Variants in CYTH3 observed in about 807,000 individuals in gnomAD.
The protein encoded by CYTH3 is cytohesin-3.
A neutral mutation model predicts 55.1 loss-of-function variants in CYTH3; 23 were observed. The ratio of observed to expected loss-of-function variants is 0.42; its 90% CI spans 0.30 to 0.59. The LOEUF (loss-of-function observed/expected upper bound fraction) is 0.59, where lower values mean the gene tolerates loss of function less well. CYTH3 is among the 20% of genes least tolerant of loss of function. The pLI, the probability that CYTH3 is intolerant of heterozygous loss-of-function variation, is 0.20. For missense variants in CYTH3, 413 were observed against 524.8 expected, an observed-to-expected ratio of 0.79 and a Z score of 2.08; for synonymous variants, 249 against 194.9, an observed-to-expected ratio of 1.28 and a Z score of -2.31.
At chr7:6,196,456 CTTTTTTT>C (rs5882084) in intron 1 of CYTH3, among the ~76,000 whole-genome samples, 10 of 113,986 alleles carry the variant, frequency 8.8e-5, no homozygotes, top group Non-Finnish European at 1.7e-4. Flanking sequence ...TTCTTTTTTT[CTTTTTTT>C]TTTTTTTTTT....
intron 1 of CYTH3, among the ~76,000 whole-genome samples, chr7:6,198,625 A>G (rs1435086489): frequency 6.6e-6 from 1 of 152,040 alleles, no homozygotes; most frequent in Non-Finnish European, 1.5e-5. Context: ...TTAGGTAAGA[A>G]GAAACAAAGG....
chr7:6,248,455 T>C (rs759890973), intron 1 of CYTH3, among the ~76,000 whole-genome samples: 21 of 152,272 alleles, frequency 1.4e-4, no homozygotes, highest in Non-Finnish European at 2.2e-4. Context: ...TGCTTTTGTT[T>C]TCTAGTTTCT....
chr7:6,245,996 C>T (rs762063325), intron 1 of CYTH3, among the ~76,000 whole-genome samples: 12 of 151,860 alleles, frequency 7.9e-5, no homozygotes, highest in Non-Finnish European at 1.3e-4. Flanking sequence ...TCCCATTAAC[C>T]CTCTCCCCAA....
intron 1 of CYTH3, among the ~76,000 whole-genome samples, chr7:6,229,100 C>T (rs941043407): frequency 7.9e-5 from 12 of 152,106 alleles, no homozygotes; most frequent in African/African-American, 2.9e-4. Context: ...AACAGTGGAA[C>T]AGAAGTAAAA....
intron 1 of CYTH3, among the ~76,000 whole-genome samples, chr7:6,211,607 C>T (rs1461309882): frequency 1.3e-5 from 2 of 152,190 alleles, no homozygotes; most frequent in East Asian, 1.9e-4. Flanking sequence ...GCTGGGATTA[C>T]AGGAGTAAGC....
chr7:6,185,660 A>C (rs186214077), intron 4 of CYTH3, among the ~76,000 whole-genome samples: 1 of 150,718 alleles, frequency 6.6e-6, no homozygotes, highest in African/African-American at 2.5e-5. Flanking sequence ...AGATCGCACC[A>C]CTGCACTCCA....
Position 6,170,271 on chromosome 7 carries a change from C to G in CYTH3, c.823+264G>C, listed in dbSNP as rs758104078. The stretch of plus-strand genomic sequence containing the variant: ...GTGCAGGAAGCTGCCCTGGCTGGAT[C>G]TGGATGCTAACTCAGCAGTTTTCTG... On this transcript the variant is annotated intron_variant, in intron 9 of 12. Transcript: ENST00000350796. This position sits in a 1 kb window ranked among gnomAD's most constrained non-coding sequence, Gnocchi z 7.8. 6.2e-6 allele frequency: 3 copies of G among 486,528 alleles called. No homozygotes were observed. Among genetic ancestry groups the G allele is most frequent in the Non-Finnish European group, 1.1e-5 (3 of 275,100 alleles). The allele number at this position is 486,528 out of a possible 1,614,324, so 30.1% of individuals were successfully genotyped here. A position where few individuals can be genotyped will look rare whatever the true frequency, so the allele number is the denominator to read the frequency against.
intron 1 of CYTH3, chr7:6,212,568 T>G (rs778948698): frequency 6.6e-5 from 10 of 152,172 alleles, no homozygotes; most frequent in Non-Finnish European, 1.5e-4. Flanking sequence ...AAAAAAAAAG[T>G]TCTCAAGGTT....
intron 1 of CYTH3, among the ~76,000 whole-genome samples, chr7:6,196,134 G>A (rs1243144684): frequency 1.3e-5 from 2 of 152,146 alleles, no homozygotes; most frequent in Non-Finnish European, 2.9e-5. Context: ...TCTTCCTTCT[G>A]AGAAGCCCAT....
chr7:6,246,867 G>T (rs1176806925), intron 1 of CYTH3, among the ~76,000 whole-genome samples: 1 of 152,104 alleles, frequency 6.6e-6, no homozygotes, highest in Non-Finnish European at 1.5e-5. Context: ...ATGTTTACAT[G>T]ATTTCAATTC....
intron 1 of CYTH3, among the ~76,000 whole-genome samples, chr7:6,259,802 TATATATATATA>T (rs1780286469): frequency 3.6e-5 from 1 of 27,788 alleles, no homozygotes; most frequent in Non-Finnish European, 5.1e-5. Flanking sequence ...TATATATATA[TATATATATATA>T]ATATATATAT....
chr7:6,270,025 C>T (rs1354437553), intron 1 of CYTH3, among the ~76,000 whole-genome samples: 5 of 152,126 alleles, frequency 3.3e-5, no homozygotes, highest in African/African-American at 4.8e-5. Flanking sequence ...AAATGTTATG[C>T]TTTATAATCT....
chr7:6,174,287 G>T (rs183725454), intron 5 of CYTH3, among the ~76,000 whole-genome samples: 118 of 151,684 alleles, frequency 7.8e-4, no homozygotes, highest in Admixed American at 1.3e-3. Flanking sequence ...GCTAACTTTT[G>T]TATTTTTAGT....
At chr7:6,229,853 A>G (rs938950299) in intron 1 of CYTH3, among the ~76,000 whole-genome samples, 3 of 149,740 alleles carry the variant, frequency 2.0e-5, no homozygotes, top group Admixed American at 2.0e-4. Flanking sequence ...TATCTATCTC[A>G]GGCTGGGCTG....
At chr7:6,231,827 A>G (rs1583182082) in intron 1 of CYTH3, among the ~76,000 whole-genome samples, 1 of 152,154 alleles carries the variant, frequency 6.6e-6, no homozygotes, top group African/African-American at 2.4e-5. Flanking sequence ...AAAGGGCAGG[A>G]GCTCAAATAA....
chr7:6,241,206 C>A (rs1000062575), intron 1 of CYTH3, among the ~76,000 whole-genome samples: 2 of 152,004 alleles, frequency 1.3e-5, no homozygotes, highest in African/African-American at 4.8e-5. Context: ...CCAAGTAAAC[C>A]CAAGGAGTCA....
At chr7:6,199,142 A>G (rs1385599157) in intron 1 of CYTH3, among the ~76,000 whole-genome samples, 3 of 152,098 alleles carry the variant, frequency 2.0e-5, no homozygotes, top group Non-Finnish European at 4.4e-5. Flanking sequence ...AAGAATCAGG[A>G]GCAAATTCAC....
At chr7:6,174,500 C>T (rs1394055368) in intron 5 of CYTH3, among the ~76,000 whole-genome samples, 2 of 149,498 alleles carry the variant, frequency 1.3e-5, no homozygotes, top group African/African-American at 2.5e-5. Context: ...TTTTTTATTA[C>T]GGCCAGCCTA....
At chr7:6,193,999 G>A (rs985593389) in intron 1 of CYTH3, among the ~76,000 whole-genome samples, 2 of 152,148 alleles carry the variant, frequency 1.3e-5, no homozygotes, top group Admixed American at 6.5e-5. Context: ...TAAAGATAAT[G>A]ATCTGAGGGG....
Sources: allele counts gnomAD v4.1 joint callset (sites outside exome capture counted in the v4.1 genomes callset), GRCh38; gene constraint gnomAD v4.1.1; non-coding constraint Gnocchi (gnomAD v3.1); transcripts MANE v1.5; gene names NCBI Gene and HGNC (gene_info 2026-07-23, HGNC 2026-07-21).